AXIN1: variants seen among roughly 807,000 people sequenced by gnomAD.
AXIN1 encodes axin-1.
AXIN1 carries 30 observed loss-of-function variants against 76.4 expected under a neutral mutation model. The observed-to-expected ratio is 0.39, with a 90% CI of 0.29 to 0.53. AXIN1 has a LOEUF of 0.53. Among genes scored for constraint, AXIN1 ranks in the 20% least tolerant of loss-of-function variants. The pLI is 0.66. For synonymous variants in AXIN1, 545 were observed against 501.4 expected, an observed-to-expected ratio of 1.09 and a Z score of -1.16; for missense variants, 1,140 against 1,198.8, an observed-to-expected ratio of 0.95 and a Z score of 0.72.
At chr16:295,496 C>T (rs1023706366) in intron 7 of AXIN1, among the ~76,000 whole-genome samples, 5 of 151,706 alleles carry the variant, frequency 3.3e-5, no homozygotes, top group East Asian at 1.9e-4. Context: ...CTGCAGTGAA[C>T]GGTGTGATTA....
intron 2 of AXIN1, among the ~76,000 whole-genome samples, chr16:324,946 A>C (rs931770464): frequency 6.6e-6 from 1 of 152,208 alleles, no homozygotes. Context: ...GGATGAACAA[A>C]GGCAAGGAAA....
At chr16:313,087 G>A (rs1312844659) in intron 3 of AXIN1, among the ~76,000 whole-genome samples, 1 of 152,200 alleles carries the variant, frequency 6.6e-6, no homozygotes, top group Non-Finnish European at 1.5e-5. Context: ...TGAAGTGGGT[G>A]CACCGTTTGA....
At chr16:292,382 G>A (rs1339872637) in intron 8 of AXIN1, 1 of 152,258 alleles carries the variant, frequency 6.6e-6, no homozygotes, top group Admixed American at 6.5e-5. Context: ...GCTGTCATTA[G>A]GCTCACAGCC....
rs1303419495 is a variant in AXIN1 at position 297,883 on chromosome 16, G to T, written c.1623C>A (p.His541Gln). The change falls in exon 6 of 11, where the codon CAC (histidine) becomes CAA (glutamine). Residue 541 changes from histidine (H) to glutamine (Q), a missense_variant. His to Gln is a conservative substitution (Grantham distance 24). This residue lies in a region of AXIN1 where 708 missense variants were observed against 776.9 expected (regional missense o/e 0.91). Coordinates refer to ENST00000262320, the MANE Select transcript of AXIN1 (RefSeq NM_003502.4). The stretch of plus-strand genomic sequence containing the variant: ...CCTGCTCCTTGGGCCGGGCTGTGCT[G>T]TGGTGGACGTGGTGGTGGACGTGTC... ...HHRHVHHHVH[H>Q]STARPKEQVE... The T allele has an allele frequency of 6.3e-7, 1 of 1,589,782 alleles. No homozygotes were observed.
chr16:308,541 G>A (rs1689711193), intron 4 of AXIN1, among the ~76,000 whole-genome samples: 1 of 152,356 alleles, frequency 6.6e-6, no homozygotes, highest in East Asian at 1.9e-4. Flanking sequence ...GGGCTGTTCC[G>A]GGCCTGTGGT....
Position 287,952 on chromosome 16 carries a change from C to A in AXIN1, c.*170G>T, listed in dbSNP as rs560861103. On this transcript the variant is annotated 3_prime_UTR_variant, in exon 11 of 11. Coordinates refer to ENST00000262320, the MANE Select transcript of AXIN1 (RefSeq NM_003502.4). ...TGGGGGCAGGACAGAAGCTTGTGGA[C>A]CACTTGGAGGGACCCCCTACCTGCC... 3 of 1,100,972 alleles carry A rather than the reference C, an allele frequency of 2.7e-6. No individual in the cohort carries two copies. Among genetic ancestry groups the A allele is most frequent in the Non-Finnish European group, 4.1e-6 (3 of 739,752 alleles). 68.2% of individuals were successfully genotyped at this position (1,100,972 alleles called of 1,614,324 possible). A position where few individuals can be genotyped will look rare whatever the true frequency, so the allele number is the denominator to read the frequency against.
chr16:287,874 CT>C lies in AXIN1; in HGVS notation c.*247del. 1 of 605,652 alleles carries C rather than the reference CT, an allele frequency of 1.7e-6. No homozygotes were observed. The highest frequency in any genetic ancestry group is 2.9e-6 in the Non-Finnish European group (1 of 345,946). 37.5% of individuals were successfully genotyped at this position (605,652 alleles called of 1,614,324 possible). On this transcript the variant is annotated 3_prime_UTR_variant, in exon 11 of 11. Transcript: ENST00000262320. ...GGCAGCAGGGACCTCGGCTGCCTCA[CT>C]TGGGCTGGGCCCTCCAAGTATTGCT...
intron 9 of AXIN1, 87 bp from the exon 10 acceptor site, chr16:289,694 G>A: frequency 6.4e-7 from 1 of 1,552,366 alleles, no homozygotes; most frequent in Non-Finnish European, 8.7e-7. Flanking sequence ...GCCAGTGTAA[G>A]GCGGGGCAGG....
chr16:326,366 AAAAAAAATAT>A (rs2053579923), intron 2 of AXIN1, among the ~76,000 whole-genome samples: 1 of 92,630 alleles, frequency 1.1e-5, no homozygotes, highest in Non-Finnish European at 2.1e-5. Flanking sequence ...AAAAAAAAAA[AAAAAAAATAT>A]ATATATATAT....
At chr16:320,737 A>ATTTTTTTT (rs201303569) in intron 2 of AXIN1, among the ~76,000 whole-genome samples, 22 of 89,566 alleles carry the variant, frequency 2.5e-4, no homozygotes, top group African/African-American at 1.4e-3. Flanking sequence ...ATATATATAT[A>ATTTTTTTT]TATATATTTT....
intron 2 of AXIN1, among the ~76,000 whole-genome samples, chr16:337,799 G>C (rs989310561): frequency 6.6e-6 from 1 of 152,252 alleles, no homozygotes; most frequent in East Asian, 1.9e-4. Flanking sequence ...GGAGGAGAAG[G>C]GGCATGGAAT....
intron 1 of AXIN1, among the ~76,000 whole-genome samples, chr16:350,337 G>A (rs1488677320): frequency 2.0e-5 from 3 of 152,172 alleles, no homozygotes; most frequent in Non-Finnish European, 1.5e-5. Flanking sequence ...AAGCAGTCAC[G>A]TTTACTCAGT....
intron 5 of AXIN1, among the ~76,000 whole-genome samples, chr16:301,335 C>A (rs553718087): frequency 2.0e-5 from 3 of 150,668 alleles, no homozygotes; most frequent in Non-Finnish European, 4.4e-5. Flanking sequence ...TAGGGAAGGA[C>A]CACCACTCCT....
chr16:346,054 T>C, intron 2 of AXIN1, 94 bp downstream of exon 2: 1 of 1,263,696 alleles, frequency 7.9e-7, no homozygotes, highest in South Asian at 1.2e-5. Context: ...ACATCCGGTG[T>C]GGGTTAACGC....
rs768565859 is a variant in AXIN1 at position 293,545 on chromosome 16, G to A, written c.2129C>T (p.Ala710Val). ...TTCTTCCTCCTCCAGACGTCGGCGC[G>A]CCTCCTCCAGCTGGGTTAGGGGGTT... The part of the protein sequence containing the change: ...APNPLTQLEE[A>V]RRRLEEEEKR... Residue 710 changes from alanine (A) to valine (V), a missense_variant, in exon 8 of 11, where the codon GCG (alanine) becomes GTG (valine). Physicochemically the swap from Ala to Val is moderately conservative, Grantham distance 64 (BLOSUM62 0). Around this residue, in one of 3 missense-constraint regions of AXIN1, gnomAD observed 429 missense variants for 405.8 expected, o/e 1.06. Coordinates refer to ENST00000262320, the MANE Select transcript of AXIN1 (RefSeq NM_003502.4). This position sits in a 1 kb window ranked among gnomAD's most constrained non-coding sequence, Gnocchi z 4.6. 55 of 1,611,476 alleles carry A rather than the reference G, an allele frequency of 3.4e-5. 1 individual carries two copies. In the Middle Eastern group the frequency reaches 1.1e-3, roughly 31 times the overall value.
At chr16:309,847 C>T (rs550647671) in intron 4 of AXIN1, 126 bp downstream of exon 4, 9 of 889,794 alleles carry the variant, frequency 1.0e-5, no homozygotes, top group Admixed American at 4.0e-5. Flanking sequence ...TGGGATCACA[C>T]GCTTACGCCT....
At chr16:319,744 G>A (rs922877971) in intron 2 of AXIN1, among the ~76,000 whole-genome samples, 4 of 152,176 alleles carry the variant, frequency 2.6e-5, no homozygotes, top group South Asian at 2.1e-4. Flanking sequence ...TTCATCTTCC[G>A]TCTTTTCACA....
chr16:318,717 CATCT>C (rs1414735695), intron 2 of AXIN1, among the ~76,000 whole-genome samples: 5 of 152,230 alleles, frequency 3.3e-5, no homozygotes, highest in Non-Finnish European at 7.3e-5. Flanking sequence ...CCCACGTATC[CATCT>C]GTGTGCGCGC....
intron 2 of AXIN1, among the ~76,000 whole-genome samples, chr16:332,628 A>C (rs1415477498): frequency 6.6e-6 from 1 of 151,066 alleles, no homozygotes; most frequent in Non-Finnish European, 1.5e-5. Context: ...TAACATCTCC[A>C]GAAAGATTTT....
Sources: gnomAD v4.1 joint callset for allele counts (sites outside exome capture counted in the v4.1 genomes callset) on GRCh38, gnomAD v4.1.1 for gene constraint, gnomAD v4.1.1 regional missense constraint, Gnocchi (gnomAD v3.1) non-coding constraint, MANE v1.5 for transcripts, NCBI Gene and HGNC (gene_info 2026-07-23, HGNC 2026-07-21) for gene names.